Variants in DNAJC6 observed in about 807,000 individuals in gnomAD.
DNAJC6 encodes the protein DnaJ heat shock protein family (Hsp40) member C6.
A neutral mutation model predicts 110.0 loss-of-function variants in DNAJC6; 34 were observed. The ratio of observed to expected loss-of-function variants is 0.31; its 90% confidence interval spans 0.24 to 0.41. DNAJC6 has a LOEUF of 0.41. Among genes scored for constraint, DNAJC6 ranks in the 10% least tolerant of loss-of-function variants. The pLI is 1.00. For missense variants in DNAJC6, 1,031 were observed against 1,207.8 expected (o/e 0.85, Z 2.17); for synonymous variants, 406 against 437.2 (o/e 0.93, Z 0.89).
intron 1 of DNAJC6, among the ~76,000 whole-genome samples, chr1:65,277,476 C>T (rs1007155504): frequency 6.6e-6 from 1 of 152,126 alleles, no homozygotes; most frequent in African/African-American, 2.4e-5. Flanking sequence ...CTAAAATGTA[C>T]AAAATAATTT....
intron 1 of DNAJC6, among the ~76,000 whole-genome samples, chr1:65,292,515 C>T (rs904714085): frequency 3.3e-5 from 5 of 151,916 alleles, no homozygotes; most frequent in African/African-American, 7.2e-5. Flanking sequence ...ATTACAGCTT[C>T]GACTTCCTGG....
chr1:65,345,481 G>A, intron 1 of DNAJC6: 1 of 179,218 alleles, frequency 5.6e-6, no homozygotes, highest in Non-Finnish European at 1.1e-5. Flanking sequence ...TTTGCCTGCT[G>A]TTACACAGAT....
intron 4 of DNAJC6, among the ~76,000 whole-genome samples, chr1:65,367,443 A>T (rs1465057392): frequency 6.6e-6 from 1 of 152,204 alleles, no homozygotes; most frequent in Non-Finnish European, 1.5e-5. Flanking sequence ...AGAACAAGTG[A>T]ATTAACATCA....
intron 1 of DNAJC6, among the ~76,000 whole-genome samples, chr1:65,291,585 A>G (rs952435943): frequency 1.3e-5 from 2 of 152,120 alleles, no homozygotes; most frequent in East Asian, 3.9e-4. Flanking sequence ...TGTGAACTAT[A>G]TCCCTGCATA....
At chr1:65,408,439 T>C (rs1646097046) in intron 16 of DNAJC6, among the ~76,000 whole-genome samples, 1 of 152,162 alleles carries the variant, frequency 6.6e-6, no homozygotes, top group Non-Finnish European at 1.5e-5. Flanking sequence ...TTGCCACATA[T>C]ATGATTCTGG....
chr1:65,377,714 C>T (rs1007230137), intron 4 of DNAJC6, among the ~76,000 whole-genome samples: 3 of 152,160 alleles, frequency 2.0e-5, no homozygotes, highest in Admixed American at 6.5e-5. Context: ...TGCTTTTAGA[C>T]GTCAGCTCTA....
At chr1:65,306,040 G>A (rs929768490), upstream of DNAJC6, among the ~76,000 whole-genome samples, 1 of 151,228 alleles carries the variant, frequency 6.6e-6, no homozygotes, top group African/African-American at 2.4e-5. Context: ...AGAGCCAGGA[G>A]TCATTGGAAC....
At chr1:65,405,779 C>G in intron 15 of DNAJC6, 91 bp from the exon 16 acceptor site, 1 of 1,444,076 alleles carries the variant, frequency 6.9e-7, no homozygotes, top group Non-Finnish European at 9.3e-7. Flanking sequence ...AAGGGAATGA[C>G]TATTAAAGCC....
At chr1:65,383,971 T>G (rs1034708138) in intron 5 of DNAJC6, 11 of 393,322 alleles carry the variant, frequency 2.8e-5, no homozygotes, top group Non-Finnish European at 4.0e-5. Flanking sequence ...GCTTCTCAGA[T>G]TAGAATCAAT....
In DNAJC6 at chr1:65,405,856, CT is replaced by C. The variant is rs780987572; in HGVS notation, c.2228-7del. 7 of 1,579,120 alleles carry C rather than the reference CT, an allele frequency of 4.4e-6. No homozygotes were observed. In the South Asian group the frequency reaches 4.7e-5, roughly 11 times the overall value. ...CAAAATAGTTTTACCTTCTTTATCT[CT>C]TTTTTTCTTTAGGTAGTTCTTCCTT... On this transcript the variant is annotated splice_polypyrimidine_tract_variant and intron_variant, in intron 15 of 18. Transcript: ENST00000371069.
chr1:65,392,312 C>A, intron 11 of DNAJC6, 119 bp from the exon 12 acceptor site: 2 of 967,062 alleles, frequency 2.1e-6, no homozygotes, highest in Non-Finnish European at 1.5e-6. Context: ...GGTCTAAAAA[C>A]ACTGTTTGCT....
chr1:65,392,457 G>A lies in DNAJC6; in HGVS notation c.1495G>A (p.Glu499Lys). The change falls in exon 12 of 19, where the codon GAG (glutamate) becomes AAG (lysine). Residue 499 changes from glutamate to lysine, a missense_variant. Coordinates refer to ENST00000371069, the MANE Select transcript of DNAJC6 (RefSeq NM_001256864.2). ...QDQKSEKSFC[E>K]EDHAALVNQE... ...TCAGAAATCGGAGAAGTCATTCTGT[G>A]AGGAGGACCACGCTGCCCTAGTGAA... 1 of 1,607,430 alleles carries A rather than the reference G, an allele frequency of 6.2e-7. No individual in the cohort carries two copies.
At chr1:65,387,370 A>C (rs1241549786) in intron 8 of DNAJC6, among the ~76,000 whole-genome samples, 1 of 152,192 alleles carries the variant, frequency 6.6e-6, no homozygotes, top group Non-Finnish European at 1.5e-5. Context: ...TAGTCTATTC[A>C]AAAGGTTGTG....
At chr1:65,328,073 A>G (rs1164217746) in intron 1 of DNAJC6, among the ~76,000 whole-genome samples, 2 of 152,234 alleles carry the variant, frequency 1.3e-5, no homozygotes, top group Admixed American at 6.5e-5. Context: ...AGTATAAACA[A>G]GAAACAGTCT....
At position 65,385,808 on chromosome 1, in the gene DNAJC6, C is replaced by G. The variant is rs371261372; in HGVS notation, c.897C>G (p.Pro299=). The G allele has an allele frequency of 6.2e-6, 10 of 1,613,992 alleles. No individual in the cohort carries two copies. The highest frequency in any genetic ancestry group is 8.5e-6 in the Non-Finnish European group (10 of 1,180,008). ...TIKSITVSPI[P]FFNKQRNGCR... Reference sequence around the variant, plus strand: ...AGTCGATCACTGTCAGTCCAATACCCTTTTTCAACAAACAGAGGAATGGAT... The same window carrying G: ...AGTCGATCACTGTCAGTCCAATACCGTTTTTCAACAAACAGAGGAATGGAT... The change falls in exon 7 of 19, where the codon CCC becomes CCG. Residue 299 remains proline, a synonymous_variant. Coordinates refer to ENST00000371069, the MANE Select transcript of DNAJC6 (RefSeq NM_001256864.2).
At chr1:65,328,117 A>G (rs1645257308) in intron 1 of DNAJC6, among the ~76,000 whole-genome samples, 1 of 152,224 alleles carries the variant, frequency 6.6e-6, no homozygotes, top group Non-Finnish European at 1.5e-5. Context: ...AAACACATAC[A>G]CACATATATT....
At chr1:65,286,053 C>T (rs767151026) in intron 1 of DNAJC6, among the ~76,000 whole-genome samples, 4 of 152,170 alleles carry the variant, frequency 2.6e-5, no homozygotes, top group African/African-American at 4.8e-5. Flanking sequence ...GATATATTTA[C>T]GGAATAATTT....
chr1:65,400,843 A>G (rs1032137939), intron 14 of DNAJC6, among the ~76,000 whole-genome samples: 2 of 152,216 alleles, frequency 1.3e-5, no homozygotes, highest in African/African-American at 4.8e-5. Context: ...TTGGATATAT[A>G]CCCAGTAGCA....
At chr1:65,411,726 T>TG (rs3838397) in intron 18 of DNAJC6, among the ~76,000 whole-genome samples, 81 of 151,462 alleles carry the variant, frequency 5.3e-4, no homozygotes, top group Admixed American at 4.3e-3. Flanking sequence ...CCCAGCACTT[T>TG]GGGGGGGGCA....
Sources: allele counts gnomAD v4.1 joint callset (sites outside exome capture counted in the v4.1 genomes callset), GRCh38; gene constraint gnomAD v4.1.1; transcripts MANE v1.5; gene names NCBI Gene and HGNC (gene_info 2026-07-23, HGNC 2026-07-21).